KCTD13: variants seen among roughly 807,000 people sequenced by gnomAD.
KCTD13 encodes potassium channel tetramerization domain containing 13, also known as BTB/POZ domain-containing adapter for CUL3-mediated RhoA degradation protein 1.
In KCTD13, 15 loss-of-function variants were observed where a neutral mutation model predicts 32.3. The ratio of observed to expected loss-of-function variants is 0.46; its 90% confidence interval spans 0.31 to 0.71. The LOEUF (loss-of-function observed/expected upper bound fraction) is 0.71. KCTD13 is among the 30% of genes least tolerant of loss of function. The pLI is 0.05. For missense variants in KCTD13, 337 were observed against 452.6 expected, an observed-to-expected ratio of 0.74 and a Z score of 2.32; for synonymous variants, 189 against 200.1, an observed-to-expected ratio of 0.94 and a Z score of 0.47.
chr16:29,906,871 G>A lies in KCTD13; in HGVS notation c.*1C>T, dbSNP rs371356818. 6.2e-5 allele frequency: 100 copies of A among 1,612,994 alleles called. No individual in the cohort carries two copies. Among genetic ancestry groups the A allele is most frequent in the Middle Eastern group, 5.0e-4 (3 of 6,058 alleles). On this transcript the variant is annotated 3_prime_UTR_variant, in exon 6 of 6. Transcript: ENST00000568000. ...GAGGAAGGCAGGGGGAGGGTCAGAG[G>A]TCAGTCCTTGAAGACAATTTGTTGG...
rs1368601308 is a variant in KCTD13 at position 29,906,673 on chromosome 16, G to A, written c.*199C>T. ...TTGGCTTCGGAAGGCTCTGAGTGGTGGGGCCGGAATGTACCATGTTGTTAG... is the reference window on the plus strand; with the variant it reads ...TTGGCTTCGGAAGGCTCTGAGTGGTAGGGCCGGAATGTACCATGTTGTTAG... On this transcript the variant is annotated 3_prime_UTR_variant, in exon 6 of 6. Transcript: ENST00000568000. 9 of 688,246 alleles carry A rather than the reference G, an allele frequency of 1.3e-5. No homozygotes were observed. The highest frequency in any genetic ancestry group is 2.0e-5 in the Admixed American group (1 of 49,404). 42.6% of individuals were successfully genotyped at this position (688,246 alleles called of 1,614,324 possible).
chr16:29,911,366 C>CCAGCA lies in KCTD13; in HGVS notation c.558-198_558-194dup, dbSNP rs750171107. On this transcript the variant is annotated intron_variant, in intron 4 of 5. Coordinates refer to ENST00000568000, the MANE Select transcript of KCTD13 (RefSeq NM_178863.5). Reference sequence around the variant, plus strand: ...GGAAGCCACATGCGCTGAGCAAATCCCAGCACAGCACAGCACAGCAGCTCC... The same window carrying CCAGCA: ...GGAAGCCACATGCGCTGAGCAAATCCCAGCACAGCACAGCACAGCACAGCAGCTCC... 1,992 of 603,282 alleles carry CCAGCA rather than the reference C, an allele frequency of 3.3e-3. 9 individuals carry two copies. Among genetic ancestry groups the CCAGCA allele is most frequent in the Middle Eastern group, 4.9e-3 (11 of 2,252 alleles). 37.4% of individuals were successfully genotyped at this position (603,282 alleles called of 1,614,324 possible).
chr16:29,924,907 G>A (rs1475913407), intron 1 of KCTD13, among the ~76,000 whole-genome samples: 11 of 151,986 alleles, frequency 7.2e-5, no homozygotes, highest in African/African-American at 1.9e-4. Context: ...TAGTAGAGAC[G>A]GGGTTTCGCC....
chr16:29,913,089 G>A (rs2068745135), intron 2 of KCTD13: 1 of 149,844 alleles, frequency 6.7e-6, no homozygotes, highest in Non-Finnish European at 1.5e-5. Context: ...AAAATTAACA[G>A]AGAATAATAA....
chr16:29,914,918 G>A (rs956815044), intron 2 of KCTD13: 4 of 151,730 alleles, frequency 2.6e-5, no homozygotes, highest in Non-Finnish European at 5.9e-5. Context: ...AAGGTGGGAG[G>A]ATTACTTGAG....
intron 5 of KCTD13, among the ~76,000 whole-genome samples, chr16:29,909,905 A>G (rs1308736208): frequency 6.6e-6 from 1 of 151,802 alleles, no homozygotes; most frequent in East Asian, 1.9e-4. Flanking sequence ...TCTCTACTAA[A>G]GAGACTTCTC....
intron 1 of KCTD13, among the ~76,000 whole-genome samples, chr16:29,923,912 C>T (rs1055432083): frequency 3.3e-5 from 5 of 151,154 alleles, no homozygotes; most frequent in African/African-American, 9.7e-5. Context: ...CGGTGACTGA[C>T]GCCTGTAATC....
rs1213737730 is a variant in KCTD13, at chr16:29,924,826, C to T, written c.244+964G>A. On this transcript the variant is annotated intron_variant, in intron 1 of 5. Transcript: ENST00000568000. Reference sequence around the variant, plus strand: ...CTCCGCCTCCCAGGTTCAAGCGATTCTCCTGTCTCAGCCTCCCGAGTAGCT... The same window carrying T: ...CTCCGCCTCCCAGGTTCAAGCGATTTTCCTGTCTCAGCCTCCCGAGTAGCT... Among the ~76,000 whole-genome samples the T allele has an allele frequency of 2.0e-5, 3 of 150,750 alleles. No homozygotes were observed. The East Asian group carries it at 5.9e-4, about 29-fold the overall frequency.
chr16:29,916,307 T>G (rs1294534257), intron 2 of KCTD13, among the ~76,000 whole-genome samples: 3 of 151,216 alleles, frequency 2.0e-5, no homozygotes, highest in Non-Finnish European at 4.4e-5. Flanking sequence ...CAGGCTGGTC[T>G]CGAACTCCTG....
Position 29,926,111 on chromosome 16 carries a change from C to A in KCTD13, c.-78G>T. ...CTGCTCCCGAAGACCCTCGGCCGGC[C>A]CCCAGCCCTTGGGCCAGACCGCTCG... On this transcript the variant is annotated 5_prime_UTR_variant, in exon 1 of 6. Transcript: ENST00000568000. The A allele has an allele frequency of 7.1e-7, 1 of 1,416,462 alleles. No individual in the cohort carries two copies. The highest frequency in any genetic ancestry group is 1.5e-5 in the South Asian group (1 of 66,190). The allele number at this position is 1,416,462 out of a possible 1,614,324, so 87.7% of individuals were successfully genotyped here. A position where few individuals can be genotyped will look rare whatever the true frequency, so the allele number is the denominator to read the frequency against.
chr16:29,907,081 C>G lies in KCTD13; in HGVS notation c.781G>C (p.Glu261Gln). The stretch of plus-strand genomic sequence containing the variant: ...TAGATGAGGATGTTCAGGGTCTCCT[C>G]GAAGATCCGGGCCTCTGGAAATTCC... The part of the protein sequence containing the change: ...KVEFPEARIF[E>Q]ETLNILIYET... The change falls in exon 6 of 6, where the codon GAG (glutamate) becomes CAG (glutamine). Residue 261 changes from glutamate (E) to glutamine (Q), a missense_variant. Glu to Gln is a conservative substitution (Grantham distance 29). Transcript: ENST00000568000. 6.2e-7 allele frequency: 1 copy of G among 1,610,718 alleles called. No homozygotes were observed. Among genetic ancestry groups the G allele is most frequent in the African/African-American group, 1.3e-5 (1 of 74,918 alleles).
intron 2 of KCTD13, chr16:29,913,570 G>A (rs940562239): frequency 7.2e-5 from 11 of 152,258 alleles, no homozygotes; most frequent in African/African-American, 2.6e-4. Context: ...GGCTCGGCTG[G>A]GTGGCTCCGG....
intron 2 of KCTD13, among the ~76,000 whole-genome samples, chr16:29,917,840 C>T (rs556498312): frequency 4.0e-4 from 61 of 152,114 alleles, no homozygotes; most frequent in African/African-American, 1.3e-3. Flanking sequence ...CGCAGCTACT[C>T]GGGAGGCTGA....
chr16:29,917,622 T>C (rs2068833300), intron 2 of KCTD13, among the ~76,000 whole-genome samples: 1 of 151,866 alleles, frequency 6.6e-6, no homozygotes, highest in Non-Finnish European at 1.5e-5. Context: ...TCTGCTAAAA[T>C]ACAAAAATTA....
At chr16:29,910,920 C>T in intron 5 of KCTD13, 58 bp downstream of exon 5, 1 of 1,516,170 alleles carries the variant, frequency 6.6e-7, no homozygotes, top group East Asian at 2.3e-5. Context: ...TGCTTTTGTC[C>T]AGGGTCCTGG....
intron 2 of KCTD13, among the ~76,000 whole-genome samples, chr16:29,916,055 C>T (rs1211727954): frequency 6.6e-6 from 1 of 152,098 alleles, no homozygotes; most frequent in East Asian, 1.9e-4. Context: ...TGGAAAGCTC[C>T]TTAGCTAGAC....
chr16:29,911,417 C>CT, intron 4 of KCTD13: 1 of 564,892 alleles, frequency 1.8e-6, no homozygotes, highest in East Asian at 3.0e-5. Flanking sequence ...GCCAGGCCAC[C>CT]TCCCCGGGGG....
chr16:29,910,985 T>C lies in KCTD13; in HGVS notation c.746A>G (p.Gln249Arg). The change falls in exon 5 of 6, where the codon CAG (glutamine) becomes CGG (arginine). Residue 249 changes from glutamine (Q) to arginine (R), a missense_variant. Gln to Arg is a conservative substitution (Grantham distance 43). This residue lies in a region of KCTD13 where 252 missense variants were observed against 340.2 expected (regional missense o/e 0.74). Coordinates refer to ENST00000568000, the MANE Select transcript of KCTD13 (RefSeq NM_178863.5). ...CTCTGGAGCCCCTCTGACCTTGGTC[T>C]GCTTCTTCTCCGTAGCATAGACAAT... is the stretch of plus-strand genomic sequence containing the variant. ...TSIVYATEKK[Q>R]TKVEFPEARI... The C allele has an allele frequency of 6.2e-7, 1 of 1,613,908 alleles. No individual in the cohort carries two copies. The highest frequency in any genetic ancestry group is 8.5e-7 in the Non-Finnish European group (1 of 1,179,868).
chr16:29,924,501 A>G (rs1443366098), intron 1 of KCTD13, among the ~76,000 whole-genome samples: 2 of 152,274 alleles, frequency 1.3e-5, no homozygotes, highest in East Asian at 3.9e-4. Context: ...TTTAACTTTT[A>G]TATTCTTCAT....
Sources: gnomAD v4.1 joint callset for allele counts (sites outside exome capture counted in the v4.1 genomes callset) on GRCh38, gnomAD v4.1.1 for gene constraint, gnomAD v4.1.1 regional missense constraint, MANE v1.5 for transcripts, NCBI Gene and HGNC (gene_info 2026-07-23, HGNC 2026-07-21) for gene names.